SOX5: variants seen among roughly 807,000 people sequenced by gnomAD.
SOX5 encodes the protein transcription factor SOX-5.
In SOX5, 9 loss-of-function variants were observed where a neutral mutation model predicts 92.0. The observed-to-expected ratio is 0.10, with a 90% CI of 0.06 to 0.17. The LOEUF is 0.17. Among genes scored for constraint, SOX5 ranks in the 10% least tolerant of loss-of-function variants. SOX5 has a pLI of 1.00. For missense variants in SOX5, 642 were observed against 944.5 expected (o/e 0.68, Z 4.20); for synonymous variants, 344 against 336.3 (o/e 1.02, Z -0.25).
chr12:23,858,380 G>A (rs899514928), intron 2 of SOX5, among the ~76,000 whole-genome samples: 1 of 152,000 alleles, frequency 6.6e-6, no homozygotes, highest in South Asian at 2.1e-4. Context: ...AATTGGGCAA[G>A]GGACATGAAC....
intron 9 of SOX5, 34 bp from the exon 10 acceptor site, chr12:23,575,872 G>C: frequency 1.3e-6 from 2 of 1,488,772 alleles, no homozygotes; most frequent in South Asian, 2.7e-5. Context: ...GCTGTGATAA[G>C]GAAAGGCTGA....
rs887081127 is a variant in SOX5, at chr12:23,777,005, A to G, written c.482-21281T>C. The stretch of plus-strand genomic sequence containing the variant: ...ACTTGTCACTAATAGAAGTAATTTT[A>G]TTATTCATTTATTTATTTTCTCTTC... On this transcript the variant is annotated intron_variant, in intron 3 of 14. Transcript: ENST00000451604. Among the ~76,000 whole-genome samples, 8 of 152,218 alleles carry G rather than the reference A, an allele frequency of 5.3e-5. No individual in the cohort carries two copies. The East Asian group carries it at 1.2e-3, about 22-fold the overall frequency.
Position 23,759,030 on chromosome 12 carries a change from GACACACACAC to G in SOX5, c.482-3316_482-3307del, listed in dbSNP as rs61575999. 8.2e-3 allele frequency among the ~76,000 whole-genome samples: 1,196 copies of G among 145,760 alleles called. 14 individuals are homozygous for G. Among genetic ancestry groups the G allele is most frequent in the African/African-American group, 0.024 (921 of 38,728 alleles). ...CACAAAACACACACACACACACACA[GACACACACAC>G]ACACACACACACACACACACACACA... On this transcript the variant is annotated intron_variant, in intron 3 of 14. Transcript: ENST00000451604.
In SOX5 at chr12:23,877,870, C is replaced by T. The variant is rs2096944812; in HGVS notation, c.270+17923G>A. Among the ~76,000 whole-genome samples, 3 of 151,806 alleles carry T rather than the reference C, an allele frequency of 2.0e-5. No homozygotes were observed. The South Asian group carries it at 6.2e-4, about 31-fold the overall frequency. On this transcript the variant is annotated intron_variant, in intron 2 of 14. Transcript: ENST00000451604. ...ACCCTTTATCACTTCTAATTTTGTG[C>T]ATTTGTGTTTTCATTTATTAGTATA...
chr12:23,781,393 CATGAAAATAAA>C (rs1050979145), intron 3 of SOX5, among the ~76,000 whole-genome samples: 1 of 151,782 alleles, frequency 6.6e-6, no homozygotes, highest in African/African-American at 2.4e-5. Flanking sequence ...CTGAAAACAA[CATGAAAATAAA>C]GAAAACATGC....
At chr12:24,222,198 C>G (rs995579707) in intron 3 of SOX5, among the ~76,000 whole-genome samples, 1 of 152,186 alleles carries the variant, frequency 6.6e-6, no homozygotes, top group Non-Finnish European at 1.5e-5. Flanking sequence ...TTTAGTGTCT[C>G]TAAACTGGGC....
At position 23,658,655 on chromosome 12, in the gene SOX5, G is replaced by T. The variant is rs140434183; in HGVS notation, c.931+6789C>A. Reference sequence around the variant, plus strand: ...TGCCTTAATCCTAACACTTTGGGAGGCCAAGATGGGTGGATCACTTGAGGT... The same window carrying T: ...TGCCTTAATCCTAACACTTTGGGAGTCCAAGATGGGTGGATCACTTGAGGT... On this transcript the variant is annotated intron_variant, in intron 7 of 14. Coordinates refer to ENST00000451604, the MANE Select transcript of SOX5 (RefSeq NM_006940.6). Among the ~76,000 whole-genome samples, 80 of 152,294 alleles carry T rather than the reference G, an allele frequency of 5.3e-4. No homozygotes were observed. The East Asian group carries it at 0.014, about 28-fold the overall frequency.
intron 8 of SOX5, among the ~76,000 whole-genome samples, chr12:23,629,747 T>G (rs2078293455): frequency 6.6e-6 from 1 of 152,000 alleles, no homozygotes. Flanking sequence ...CACTTTCATA[T>G]TTCATTCATT....
intron 1 of SOX5, among the ~76,000 whole-genome samples, chr12:24,384,291 C>T (rs68186151): frequency 0.21 from 32,524 of 152,110 alleles, 3,753 homozygotes; most frequent in East Asian, 0.46. Context: ...AGTGCCATGG[C>T]TGCTCTGATA....
At chr12:23,795,192 T>A (rs2095540714) in intron 3 of SOX5, among the ~76,000 whole-genome samples, 1 of 151,986 alleles carries the variant, frequency 6.6e-6, no homozygotes, top group Non-Finnish European at 1.5e-5. Context: ...ATGGGAGGAA[T>A]CAGTGTAGGT....
At chr12:24,483,995 A>T (rs1165721641) in intron 1 of SOX5, among the ~76,000 whole-genome samples, 2 of 152,164 alleles carry the variant, frequency 1.3e-5, no homozygotes, top group Non-Finnish European at 2.9e-5. Flanking sequence ...ATTACATTCC[A>T]AGTTTGTATA....
At chr12:23,665,342 T>C in intron 7 of SOX5, 102 bp downstream of exon 7, 2 of 1,252,750 alleles carry the variant, frequency 1.6e-6, no homozygotes, top group African/African-American at 1.5e-5. Context: ...ATAAAAATGC[T>C]ATATGGGTGA....
chr12:24,395,683 G>C (rs953821047), intron 1 of SOX5, among the ~76,000 whole-genome samples: 4 of 152,186 alleles, frequency 2.6e-5, no homozygotes, highest in Non-Finnish European at 5.9e-5. Context: ...CCAGGGTTGA[G>C]ATCTGCCATA....
chr12:23,834,412 C>T (rs1184569348), intron 3 of SOX5, among the ~76,000 whole-genome samples: 1 of 151,838 alleles, frequency 6.6e-6, no homozygotes, highest in Non-Finnish European at 1.5e-5. Flanking sequence ...TCAAGTTCCT[C>T]CATATAATAA....
chr12:24,541,662 G>C (rs1242070184), intron 1 of SOX5, among the ~76,000 whole-genome samples: 1 of 150,636 alleles, frequency 6.6e-6, no homozygotes, highest in Non-Finnish European at 1.5e-5. Flanking sequence ...AAACACACTT[G>C]TTGTCCTTTC....
chr12:24,313,583 T>C (rs1949409513), intron 2 of SOX5, among the ~76,000 whole-genome samples: 1 of 152,194 alleles, frequency 6.6e-6, no homozygotes, highest in African/African-American at 2.4e-5. Context: ...GGCAGGACTT[T>C]GTTCAAGGTC....
chr12:24,491,828 T>C (rs1485179228), intron 1 of SOX5, among the ~76,000 whole-genome samples: 2 of 152,160 alleles, frequency 1.3e-5, no homozygotes, highest in Admixed American at 1.3e-4. Context: ...TTTTTTACTG[T>C]TGTAGGAATA....
intron 4 of SOX5, among the ~76,000 whole-genome samples, chr12:24,138,858 T>C (rs1408421738): frequency 6.6e-6 from 1 of 152,160 alleles, no homozygotes; most frequent in Admixed American, 6.6e-5. Flanking sequence ...TGCTGAAGGA[T>C]GTTCAGGCTA....
At chr12:23,591,349 G>A (rs1225441084) in intron 9 of SOX5, among the ~76,000 whole-genome samples, 1 of 152,030 alleles carries the variant, frequency 6.6e-6, no homozygotes, top group East Asian at 1.9e-4. Context: ...TTTGTTAAGA[G>A]CCTATTAGGG....
Sources: gnomAD v4.1 joint callset for allele counts (sites outside exome capture counted in the v4.1 genomes callset) on GRCh38, gnomAD v4.1.1 for gene constraint, MANE v1.5 for transcripts, NCBI Gene and HGNC (gene_info 2026-07-23, HGNC 2026-07-21) for gene names.